The following CPNE8 variants were observed in gnomAD, a reference collection of about 807,000 sequenced individuals.
CPNE8 encodes copine 8, also known as copine-8.
Under a neutral mutation model 81.5 loss-of-function variants are expected in CPNE8, and 45 were observed. The ratio of observed to expected loss-of-function variants is 0.55; its 90% CI spans 0.44 to 0.71. The LOEUF is 0.71. CPNE8 is among the 30% of genes least tolerant of loss of function. The pLI is 0.00. For missense variants in CPNE8, 594 were observed against 672.1 expected, an observed-to-expected ratio of 0.88 and a Z score of 1.28; for synonymous variants, 252 against 226.3, an observed-to-expected ratio of 1.11 and a Z score of -1.02.
chr12:38,709,246 G>A (rs75646763), intron 13 of CPNE8, among the ~76,000 whole-genome samples: 1,620 of 152,230 alleles, frequency 0.011, 32 homozygotes, highest in African/African-American at 0.036. Context: ...CTCACCATGG[G>A]CTAAACCCTG....
intron 6 of CPNE8, among the ~76,000 whole-genome samples, chr12:38,781,577 G>A (rs999764551): frequency 6.6e-6 from 1 of 151,968 alleles, no homozygotes; most frequent in Non-Finnish European, 1.5e-5. Context: ...TCAATTAATT[G>A]GGAAGATATA....
At chr12:38,724,601 C>A (rs1940650250) in intron 12 of CPNE8, among the ~76,000 whole-genome samples, 1 of 152,148 alleles carries the variant, frequency 6.6e-6, no homozygotes, top group Non-Finnish European at 1.5e-5. Context: ...TTCAGCCTCT[C>A]TCAGAGGCCT....
rs181953089 is a variant in CPNE8, at chr12:38,885,998, C to T, written c.99-11487G>A. Among the ~76,000 whole-genome samples the T allele has an allele frequency of 9.3e-3, 1,410 of 152,234 alleles. 19 individuals carry two copies. The highest frequency in any genetic ancestry group is 0.038 in the South Asian group (184 of 4,816). The stretch of plus-strand genomic sequence containing the variant: ...CCTGTACAGCATACAGAACGGTGAG[C>T]CAATTAAATCTCATTTCTTCATAAA... On this transcript the variant is annotated intron_variant, in intron 1 of 19. Transcript: ENST00000331366.
chr12:38,781,835 G>A (rs1160878545), intron 6 of CPNE8, among the ~76,000 whole-genome samples: 1 of 151,984 alleles, frequency 6.6e-6, no homozygotes. Context: ...ATCTAACCAT[G>A]AGAAAAACAT....
intron 13 of CPNE8, among the ~76,000 whole-genome samples, chr12:38,709,653 G>A (rs960455458): frequency 1.3e-5 from 2 of 152,068 alleles, no homozygotes; most frequent in Admixed American, 6.6e-5. Context: ...TTTTCAGAAC[G>A]TGAGCATACT....
At chr12:38,708,121 A>C (rs1305579396) in intron 13 of CPNE8, among the ~76,000 whole-genome samples, 1 of 152,224 alleles carries the variant, frequency 6.6e-6, no homozygotes, top group Non-Finnish European at 1.5e-5. Flanking sequence ...CATTCATATT[A>C]TAATACATAC....
chr12:38,731,822 G>A (rs1940838022), intron 10 of CPNE8, among the ~76,000 whole-genome samples: 1 of 151,874 alleles, frequency 6.6e-6, no homozygotes, highest in Non-Finnish European at 1.5e-5. Flanking sequence ...ATGAAATCCG[G>A]TAACATTGGT....
intron 14 of CPNE8, among the ~76,000 whole-genome samples, chr12:38,696,667 C>T (rs937584435): frequency 3.3e-5 from 5 of 152,172 alleles, no homozygotes; most frequent in Non-Finnish European, 7.4e-5. Flanking sequence ...TGTACTATAC[C>T]TTTGTAAGAA....
In CPNE8 at chr12:38,671,656, C is replaced by T. The variant is rs142729238; in HGVS notation, c.1433-854G>A. 3.9e-3 allele frequency among the ~76,000 whole-genome samples: 586 copies of T among 152,110 alleles called. 3 individuals are homozygous for T. The highest frequency in any genetic ancestry group is 0.013 in the African/African-American group (523 of 41,476). On this transcript the variant is annotated intron_variant, in intron 18 of 19. Coordinates refer to ENST00000331366, the MANE Select transcript of CPNE8 (RefSeq NM_153634.3). ...TGACATTCACCAGACTCCAGAGAGC[C>T]GCTTACAATTATAATTTTGGCCTCA...
At chr12:38,732,713 A>G (rs548053260) in intron 10 of CPNE8, among the ~76,000 whole-genome samples, 2 of 152,048 alleles carry the variant, frequency 1.3e-5, no homozygotes, top group African/African-American at 2.4e-5. Flanking sequence ...CTCACCCTAT[A>G]TTACTCCTTT....
chr12:38,677,619 A>G (rs1939320249), intron 16 of CPNE8, 65 bp from the exon 17 acceptor site: 5 of 861,834 alleles, frequency 5.8e-6, no homozygotes, highest in African/African-American at 3.3e-5. Flanking sequence ...TGGTAAATAC[A>G]ATTTGGAATA....
chr12:38,888,382 A>G (rs1944265334), intron 1 of CPNE8, among the ~76,000 whole-genome samples: 1 of 152,240 alleles, frequency 6.6e-6, no homozygotes, highest in South Asian at 2.1e-4. Context: ...GAAAACAATA[A>G]CATGCTTGTA....
At chr12:38,734,590 T>C (rs1442444130) in intron 10 of CPNE8, among the ~76,000 whole-genome samples, 6 of 152,010 alleles carry the variant, frequency 3.9e-5, no homozygotes, top group Non-Finnish European at 7.4e-5. Context: ...ACCCACCTCA[T>C]CCCTTTCTCT....
chr12:38,806,561 G>A (rs1565628094), intron 6 of CPNE8, among the ~76,000 whole-genome samples: 1 of 149,772 alleles, frequency 6.7e-6, no homozygotes, highest in Admixed American at 6.6e-5. Context: ...AACCCTTCAT[G>A]CTAAAAACTC....
intron 6 of CPNE8, among the ~76,000 whole-genome samples, chr12:38,795,905 T>TAGAAGAC (rs1565620267): frequency 0.013 from 1,927 of 148,290 alleles, 43 homozygotes; most frequent in African/African-American, 0.044. Context: ...AGATAGAAGA[T>TAGAAGAC]AGATAATACA....
intron 6 of CPNE8, among the ~76,000 whole-genome samples, chr12:38,786,726 A>G (rs550077524): frequency 1.3e-5 from 2 of 152,194 alleles, no homozygotes; most frequent in Non-Finnish European, 2.9e-5. Flanking sequence ...CAAGACAAAA[A>G]CTATCAAAAG....
At chr12:38,861,307 A>G (rs1943830701) in intron 3 of CPNE8, among the ~76,000 whole-genome samples, 1 of 152,178 alleles carries the variant, frequency 6.6e-6, no homozygotes, top group Non-Finnish European at 1.5e-5. Flanking sequence ...GTTCACTGCC[A>G]ATAGTTAATA....
chr12:38,772,450 A>T (rs945722130), intron 7 of CPNE8, among the ~76,000 whole-genome samples: 7 of 152,308 alleles, frequency 4.6e-5, no homozygotes, highest in Non-Finnish European at 1.0e-4. Context: ...CCAATTTAAA[A>T]ATGGGCTAAG....
chr12:38,759,571 C>G (rs1189448099), intron 10 of CPNE8, among the ~76,000 whole-genome samples: 1 of 152,164 alleles, frequency 6.6e-6, no homozygotes, highest in Non-Finnish European at 1.5e-5. Context: ...GAAGTTATCT[C>G]TAAGAGCAAA....
Sources: gnomAD v4.1 joint callset for allele counts (sites outside exome capture counted in the v4.1 genomes callset) on GRCh38, gnomAD v4.1.1 for gene constraint, MANE v1.5 for transcripts, NCBI Gene and HGNC (gene_info 2026-07-23, HGNC 2026-07-21) for gene names.